Variants in GPC3 observed in about 807,000 individuals in gnomAD.
GPC3 encodes glypican 3.
A neutral mutation model predicts 34.4 loss-of-function variants in GPC3; 3 were observed. That is an observed-to-expected ratio of 0.09 (90% CI 0.04 to 0.23). The LOEUF is 0.23. GPC3 is among the 10% of genes least tolerant of loss of function. The pLI is 1.00. For missense variants in GPC3, 351 were observed against 445.6 expected, an observed-to-expected ratio of 0.79 and a Z score of 1.91; for synonymous variants, 177 against 174.0, an observed-to-expected ratio of 1.02 and a Z score of -0.13.
Position 133,930,408 on chromosome X carries a change from C to G in GPC3, c.337+22642G>C, listed in dbSNP as rs192747567. 3.5e-3 allele frequency among the ~76,000 whole-genome samples: 395 copies of G among 112,024 alleles called. 1 individual carries two copies. Among genetic ancestry groups the G allele is most frequent in the African/African-American group, 0.012 (371 of 30,848 alleles). On this transcript the variant is annotated intron_variant, in intron 2 of 7. Coordinates refer to ENST00000370818, the MANE Select transcript of GPC3 (RefSeq NM_004484.4). ...GTTCATAATGCCAATATTGAAAAAC[C>G]CTGCTTTAGACAAATCACTTCTCAT...
intron 5 of GPC3, among the ~76,000 whole-genome samples, chrX:133,668,039 G>A (rs2070785875): frequency 2.8e-5 from 3 of 108,200 alleles, no homozygotes. Flanking sequence ...GTAGCTGGGA[G>A]TACAGGCGCC....
At chrX:133,983,968 A>T (rs1203558893) in intron 1 of GPC3, among the ~76,000 whole-genome samples, 1 of 113,200 alleles carries the variant, frequency 8.8e-6, no homozygotes, top group African/African-American at 3.2e-5. Flanking sequence ...CAGCAGGCTC[A>T]CTCGGCTCTT....
intron 6 of GPC3, among the ~76,000 whole-genome samples, chrX:133,651,124 A>AC (rs1351491298): frequency 8.9e-6 from 1 of 111,789 alleles, no homozygotes; most frequent in African/African-American, 3.2e-5. Flanking sequence ...AGTGAACATC[A>AC]CAATCCCAAA....
At chrX:133,804,839 TA>T (rs1005385285) in intron 2 of GPC3, among the ~76,000 whole-genome samples, 1 of 110,523 alleles carries the variant, frequency 9.0e-6, no homozygotes, top group Non-Finnish European at 1.9e-5. Context: ...TGATGGAGGT[TA>T]AAAAAAATAG....
chrX:133,853,506 C>A (rs1398821919), intron 2 of GPC3, among the ~76,000 whole-genome samples: 2 of 112,114 alleles, frequency 1.8e-5, no homozygotes, highest in Non-Finnish European at 3.8e-5. Context: ...ATTTATTCAA[C>A]TAGAAAGATT....
intron 2 of GPC3, among the ~76,000 whole-genome samples, chrX:133,897,205 CT>C (rs760491025): frequency 0.036 from 2,969 of 82,640 alleles, 165 homozygotes; most frequent in African/African-American, 0.12. Flanking sequence ...CGTGCCCGGC[CT>C]TTTTTTTTTT....
intron 2 of GPC3, among the ~76,000 whole-genome samples, chrX:133,918,707 T>A (rs918962293): frequency 7.2e-5 from 8 of 111,379 alleles, no homozygotes; most frequent in Non-Finnish European, 1.1e-4. Context: ...CAGCAAGGAG[T>A]TAAATACCAG....
At chrX:133,551,340 T>C (rs985188481) in intron 7 of GPC3, among the ~76,000 whole-genome samples, 1 of 112,041 alleles carries the variant, frequency 8.9e-6, no homozygotes, top group Non-Finnish European at 1.9e-5. Flanking sequence ...CCTTTTCCCT[T>C]GCAGAGGGCT....
At chrX:133,584,984 A>G (rs753711481) in intron 7 of GPC3, among the ~76,000 whole-genome samples, 13 of 111,320 alleles carry the variant, frequency 1.2e-4, no homozygotes, top group Non-Finnish European at 2.3e-4. Flanking sequence ...CACTTTTTAA[A>G]AAACTCAGCA....
At chrX:133,959,895 T>A (rs1457280935) in intron 1 of GPC3, among the ~76,000 whole-genome samples, 1 of 112,113 alleles carries the variant, frequency 8.9e-6, no homozygotes, top group Non-Finnish European at 1.9e-5. Context: ...ACTGGTTACA[T>A]GGGTGTACAC....
chrX:133,938,082 C>A (rs1286750245), intron 2 of GPC3, among the ~76,000 whole-genome samples: 1 of 111,847 alleles, frequency 8.9e-6, no homozygotes, highest in African/African-American at 3.2e-5. Context: ...CTTCACTAAG[C>A]CAAATTGATG....
chrX:133,962,544 G>A (rs916353565), intron 1 of GPC3, among the ~76,000 whole-genome samples: 3 of 111,598 alleles, frequency 2.7e-5, no homozygotes, highest in Admixed American at 9.5e-5. Context: ...ATTTAGATGA[G>A]GGGAAACACC....
chrX:133,547,694 AGGGTCTG>A (rs1165700584), intron 7 of GPC3, among the ~76,000 whole-genome samples: 1 of 110,402 alleles, frequency 9.1e-6, no homozygotes, highest in African/African-American at 3.3e-5. Flanking sequence ...ATTTTGAGAC[AGGGTCTG>A]GCTCTGTTGC....
intron 1 of GPC3, among the ~76,000 whole-genome samples, chrX:133,976,224 T>C (rs1569461454): frequency 8.9e-6 from 1 of 112,162 alleles, no homozygotes; most frequent in Non-Finnish European, 1.9e-5. Flanking sequence ...GGCATAAAGA[T>C]GTAGGGATAT....
chrX:133,848,963 G>A (rs1184366962), intron 2 of GPC3, among the ~76,000 whole-genome samples: 1 of 110,988 alleles, frequency 9.0e-6, no homozygotes, highest in African/African-American at 3.3e-5. Flanking sequence ...AAGTCTTGCA[G>A]GATATTATAA....
intron 5 of GPC3, among the ~76,000 whole-genome samples, chrX:133,687,595 A>T (rs978819327): frequency 8.4e-5 from 9 of 107,137 alleles, no homozygotes; most frequent in Admixed American, 7.0e-4. Context: ...TAATTTTTTT[A>T]AAAAATATTT....
Position 133,985,549 on chromosome X carries a change from G to C in GPC3, c.-100C>G. ...CTGGCAGTGGCCCTGAGGAGCAAGA[G>C]ACGTGCTGCTACCCAGCCGCTGCAA... On this transcript the variant is annotated 5_prime_UTR_variant, in exon 1 of 8. Transcript: ENST00000370818. 1 of 818,678 alleles carries C rather than the reference G, an allele frequency of 1.2e-6. No individual in the cohort carries two copies. The highest frequency in any genetic ancestry group is 1.8e-6 in the Non-Finnish European group (1 of 570,223). The allele number at this position is 818,678 out of a possible 1,213,427, so 67.5% of individuals were successfully genotyped here.
intron 1 of GPC3, among the ~76,000 whole-genome samples, chrX:133,955,383 T>G (rs1276339502): frequency 1.8e-5 from 2 of 110,857 alleles, no homozygotes; most frequent in African/African-American, 3.3e-5. Context: ...TCCACAAGGG[T>G]CAGACCTGCA....
At chrX:133,985,075 G>C (rs1165359190) in intron 1 of GPC3, among the ~76,000 whole-genome samples, 200 bp downstream of exon 1, 1 of 111,779 alleles carries the variant, frequency 8.9e-6, no homozygotes, top group Non-Finnish European at 1.9e-5. Flanking sequence ...GAGACTGGGG[G>C]ATGTGGGCTC....
Sources: gnomAD v4.1 joint callset for allele counts (sites outside exome capture counted in the v4.1 genomes callset) on GRCh38, gnomAD v4.1.1 for gene constraint, MANE v1.5 for transcripts, NCBI Gene and HGNC (gene_info 2026-07-23, HGNC 2026-07-21) for gene names.